The following TRAPPC9 variants were observed in gnomAD, a reference collection of about 807,000 sequenced individuals.
The protein encoded by TRAPPC9 is IKK2 binding protein.
Under a neutral mutation model 124.0 loss-of-function variants are expected in TRAPPC9, and 83 were observed. The observed-to-expected ratio is 0.67, with a 90% confidence interval of 0.56 to 0.80. TRAPPC9 has a LOEUF of 0.80. Among genes scored for constraint, TRAPPC9 ranks in the 30% least tolerant of loss-of-function variants. TRAPPC9 has a pLI of 0.00. For synonymous variants in TRAPPC9, 638 were observed against 617.5 expected, an observed-to-expected ratio of 1.03 and a Z score of -0.49; for missense variants, 1,302 against 1,508.3, an observed-to-expected ratio of 0.86 and a Z score of 2.27.
chr8:140,099,619 A>G (rs779605051), intron 17 of TRAPPC9: 82 of 150,250 alleles, frequency 5.5e-4, no homozygotes, highest in Non-Finnish European at 1.0e-3. Context: ...TCTACAGGGT[A>G]CTGACCCCCG....
intron 16 of TRAPPC9, among the ~76,000 whole-genome samples, chr8:140,234,796 C>T (rs2063692377): frequency 1.3e-5 from 2 of 152,216 alleles, no homozygotes; most frequent in African/African-American, 4.8e-5. Flanking sequence ...ATACTACACA[C>T]ACAAGTTAAT....
intron 22 of TRAPPC9, 132 bp downstream of exon 22, chr8:139,731,847 C>A (rs1260448822): frequency 9.5e-6 from 8 of 838,530 alleles, no homozygotes; most frequent in Non-Finnish European, 1.6e-5. Context: ...TCAGTGTGCA[C>A]ACGTGACCAC....
intron 19 of TRAPPC9, among the ~76,000 whole-genome samples, chr8:139,928,950 T>C (rs907235067): frequency 3.3e-5 from 5 of 151,966 alleles, no homozygotes; most frequent in African/African-American, 9.7e-5. Context: ...GACAACGCCT[T>C]GCAAGCATCA....
intron 19 of TRAPPC9, among the ~76,000 whole-genome samples, chr8:139,916,191 C>T (rs1832117940): frequency 6.6e-6 from 1 of 152,210 alleles, no homozygotes; most frequent in African/African-American, 2.4e-5. Context: ...CACCTTCGCT[C>T]ACAATTTTAA....
intron 17 of TRAPPC9, among the ~76,000 whole-genome samples, chr8:140,125,030 A>G (rs1489629522): frequency 1.3e-5 from 2 of 152,084 alleles, no homozygotes; most frequent in Non-Finnish European, 2.9e-5. Context: ...CTCAGATAAA[A>G]CCCGGACACT....
intron 15 of TRAPPC9, among the ~76,000 whole-genome samples, chr8:140,254,158 A>G (rs1379842670): frequency 6.6e-6 from 1 of 152,188 alleles, no homozygotes; most frequent in Non-Finnish European, 1.5e-5. Flanking sequence ...GAGGGCCCCA[A>G]ACGGCCTCAC....
At chr8:140,352,375 T>C (rs1009447870) in intron 9 of TRAPPC9, among the ~76,000 whole-genome samples, 2 of 152,192 alleles carry the variant, frequency 1.3e-5, no homozygotes, top group African/African-American at 4.8e-5. Context: ...ATAGCGACAG[T>C]TGTTTCGGAA....
At chr8:140,088,756 A>C (rs552809423) in intron 17 of TRAPPC9, among the ~76,000 whole-genome samples, 1 of 152,374 alleles carries the variant, frequency 6.6e-6, no homozygotes, top group South Asian at 2.1e-4. Flanking sequence ...TCATGAATAA[A>C]CATATCAGAA....
intron 17 of TRAPPC9, among the ~76,000 whole-genome samples, chr8:140,179,197 A>G (rs957943303): frequency 6.6e-6 from 1 of 152,114 alleles, no homozygotes; most frequent in East Asian, 1.9e-4. Flanking sequence ...CTCCTTTCCC[A>G]GTGTAAGCAT....
At chr8:140,003,575 C>T (rs1838541813) in intron 18 of TRAPPC9, among the ~76,000 whole-genome samples, 1 of 145,142 alleles carries the variant, frequency 6.9e-6, no homozygotes, top group Non-Finnish European at 1.5e-5. Context: ...GTACTCCAGC[C>T]TGGGTGACAG....
At chr8:140,403,546 GTATTGGCAAA>G (rs1443795642) in intron 6 of TRAPPC9, among the ~76,000 whole-genome samples, 1 of 152,070 alleles carries the variant, frequency 6.6e-6, no homozygotes. Flanking sequence ...GCACTCAGCT[GTATTGGCAAA>G]TATTTTTCAA....
chr8:140,268,795 G>T (rs2131594625), intron 15 of TRAPPC9, among the ~76,000 whole-genome samples: 1 of 152,298 alleles, frequency 6.6e-6, no homozygotes, highest in South Asian at 2.1e-4. Context: ...TGTAGGCAAG[G>T]CATGACGGGT....
intron 17 of TRAPPC9, among the ~76,000 whole-genome samples, chr8:140,032,603 C>T (rs368960537): frequency 1.3e-5 from 2 of 152,140 alleles, no homozygotes; most frequent in South Asian, 2.1e-4. Context: ...TTCCATGGTA[C>T]AGATATGCTA....
intron 9 of TRAPPC9, among the ~76,000 whole-genome samples, chr8:140,324,923 TCA>T (rs2066698257): frequency 6.6e-6 from 1 of 152,124 alleles, no homozygotes; most frequent in African/African-American, 2.4e-5. Flanking sequence ...TTTCAAGTAC[TCA>T]CGGAAAATCC....
At chr8:140,054,973 A>C (rs1842215849) in intron 17 of TRAPPC9, among the ~76,000 whole-genome samples, 1 of 152,204 alleles carries the variant, frequency 6.6e-6, no homozygotes, top group South Asian at 2.1e-4. Context: ...CAAACATTTA[A>C]AGAATTAATT....
upstream of TRAPPC9, chr8:140,458,239 G>T (rs1474718737): frequency 6.4e-7 from 1 of 1,551,014 alleles, no homozygotes; most frequent in African/African-American, 1.4e-5. Context: ...CACCTGGGGC[G>T]GCGCAGCTGG....
At chr8:140,337,671 T>G (rs2067079689) in intron 9 of TRAPPC9, among the ~76,000 whole-genome samples, 1 of 152,078 alleles carries the variant, frequency 6.6e-6, no homozygotes, top group Admixed American at 6.5e-5. Context: ...ACCTGCTGCC[T>G]CCCCCACCAA....
intron 21 of TRAPPC9, among the ~76,000 whole-genome samples, chr8:139,844,905 A>AC (rs1826973243): frequency 6.6e-6 from 1 of 151,858 alleles, no homozygotes; most frequent in African/African-American, 2.4e-5. Flanking sequence ...GGCCTCAGCC[A>AC]CCCCCATGCT....
chr8:140,176,409 A>C (rs554173494), intron 17 of TRAPPC9, among the ~76,000 whole-genome samples: 1 of 152,334 alleles, frequency 6.6e-6, no homozygotes, highest in South Asian at 2.1e-4. Flanking sequence ...CCTTATGAAC[A>C]GAATCACACA....
Sources: gnomAD v4.1 joint callset for allele counts (sites outside exome capture counted in the v4.1 genomes callset) on GRCh38, gnomAD v4.1.1 for gene constraint, MANE v1.5 for transcripts, NCBI Gene and HGNC (gene_info 2026-07-23, HGNC 2026-07-21) for gene names.